PIEZO2: variants seen among roughly 807,000 people sequenced by gnomAD.
PIEZO2 encodes the protein piezo type mechanosensitive ion channel component 2.
A neutral mutation model predicts 337.3 loss-of-function variants in PIEZO2; 172 were observed. That is an observed-to-expected ratio of 0.51 (90% CI 0.45 to 0.58). PIEZO2 has a LOEUF of 0.58. PIEZO2 is among the 20% of genes least tolerant of loss of function. The pLI, the probability that PIEZO2 is intolerant of heterozygous loss-of-function variation, is 0.00. For missense variants in PIEZO2, 3,028 were observed against 3,391.3 expected (o/e 0.89, Z 2.66); for synonymous variants, 1,251 against 1,228.5 (o/e 1.02, Z -0.38).
intron 1 of PIEZO2, among the ~76,000 whole-genome samples, chr18:11,108,562 T>C (rs989880305): frequency 4.7e-5 from 6 of 128,304 alleles, no homozygotes; most frequent in Admixed American, 2.1e-4. Context: ...TGCAGTGAGC[T>C]GAGATCGCAC....
rs1245221511 is a variant in PIEZO2 at position 10,748,514 on chromosome 18, G to A, written c.4381C>T (p.His1461Tyr). 14 of 1,536,944 alleles carry A rather than the reference G, an allele frequency of 9.1e-6. No individual in the cohort carries two copies. Among genetic ancestry groups the A allele is most frequent in the East Asian group, 2.4e-5 (1 of 40,920 alleles). ...GAAGCTTTTATATCAGCCACAACAT[G>A]TAGAAAATAATAACTCATGAAAACT... The part of the protein sequence containing the change: ...RRVFMSYYFL[H>Y]VVADIKASQI... The change falls in exon 30 of 56, where the codon CAT becomes TAT. Residue 1461 changes from histidine (H) to tyrosine (Y), a missense_variant. His to Tyr is a moderately conservative substitution (Grantham distance 83). Around this residue, in one of 5 missense-constraint regions of PIEZO2, gnomAD observed 1,925 missense variants for 2,051.9 expected, o/e 0.94. Coordinates refer to ENST00000674853, the MANE Select transcript of PIEZO2 (RefSeq NM_001378183.1). This position sits in a 1 kb window ranked among gnomAD's most constrained non-coding sequence, Gnocchi z 5.1.
intron 2 of PIEZO2, among the ~76,000 whole-genome samples, chr18:11,036,148 T>A (rs1476103574): frequency 6.6e-6 from 1 of 152,166 alleles, no homozygotes; most frequent in Non-Finnish European, 1.5e-5. Context: ...AGCCCTTTGT[T>A]CCCTTGGAGT....
At chr18:10,874,781 A>T (rs1479767063) in intron 4 of PIEZO2, among the ~76,000 whole-genome samples, 3 of 152,178 alleles carry the variant, frequency 2.0e-5, no homozygotes, top group African/African-American at 7.2e-5. Flanking sequence ...GAGGCAGAGA[A>T]TACAGAGAGG....
At chr18:10,765,127 C>T (rs527993890) in intron 21 of PIEZO2, among the ~76,000 whole-genome samples, 12 of 152,262 alleles carry the variant, frequency 7.9e-5, no homozygotes, top group African/African-American at 1.9e-4. Context: ...ATTCCCTGCC[C>T]GCAGGAGGCA....
intron 2 of PIEZO2, among the ~76,000 whole-genome samples, chr18:10,991,827 C>A (rs955803915): frequency 1.3e-5 from 2 of 152,142 alleles, no homozygotes; most frequent in African/African-American, 4.8e-5. Context: ...AATGGTTGAA[C>A]TAATTTACAC....
chr18:11,064,710 A>G (rs1196798438), intron 2 of PIEZO2, among the ~76,000 whole-genome samples: 1 of 152,200 alleles, frequency 6.6e-6, no homozygotes, highest in Non-Finnish European at 1.5e-5. Context: ...GGGAAATCCC[A>G]GTTACTTGAT....
At chr18:11,144,712 T>G (rs967260756) in intron 1 of PIEZO2, among the ~76,000 whole-genome samples, 4 of 152,256 alleles carry the variant, frequency 2.6e-5, no homozygotes, top group African/African-American at 7.2e-5. Context: ...TGGTTGATTC[T>G]TGTTTGTGGG....
At chr18:10,701,286 A>C (rs1159554043) in intron 43 of PIEZO2, among the ~76,000 whole-genome samples, 1 of 152,254 alleles carries the variant, frequency 6.6e-6, no homozygotes, top group Non-Finnish European at 1.5e-5. Context: ...GCGTATTTAC[A>C]AGTTTAGTTT....
intron 1 of PIEZO2, among the ~76,000 whole-genome samples, chr18:11,142,880 C>A (rs2040694612): frequency 6.6e-6 from 1 of 151,634 alleles, no homozygotes; most frequent in East Asian, 1.9e-4. Flanking sequence ...AGATCGAGAC[C>A]ATCCTGGCTA....
At position 11,009,485 on chromosome 18, in the gene PIEZO2, T is replaced by G. The variant is rs1408705903; in HGVS notation, c.161-29825A>C. Among the ~76,000 whole-genome samples the G allele has an allele frequency of 6.6e-6, 1 of 152,212 alleles. No individual in the cohort carries two copies. Among genetic ancestry groups the G allele is most frequent in the Non-Finnish European group, 1.5e-5 (1 of 68,036 alleles). On this transcript the variant is annotated intron_variant, in intron 2 of 55. Coordinates refer to ENST00000674853, the MANE Select transcript of PIEZO2 (RefSeq NM_001378183.1). This position sits in a 1 kb window ranked among gnomAD's most constrained non-coding sequence, Gnocchi z 4.6. ...GGGAGGTTGAGCCCAGCTCAGCTCA[T>G]GGACTGGTTGAGGCGCGTGTGAGAG...
intron 4 of PIEZO2, chr18:10,908,395 G>A (rs1313179162): frequency 6.6e-6 from 1 of 152,204 alleles, no homozygotes; most frequent in Non-Finnish European, 1.5e-5. Context: ...TTCAAAGAAG[G>A]ACATAGTGAT....
intron 1 of PIEZO2, among the ~76,000 whole-genome samples, chr18:11,140,701 T>C (rs533379454): frequency 4.6e-5 from 7 of 152,250 alleles, no homozygotes; most frequent in East Asian, 1.9e-4. Flanking sequence ...GATGATACTG[T>C]TATTGCATGC....
In PIEZO2 at chr18:10,748,881, G is replaced by C. The variant is rs1240497362; in HGVS notation, c.4265-251C>G. Among the ~76,000 whole-genome samples the C allele has an allele frequency of 3.9e-5, 6 of 152,128 alleles. No homozygotes were observed. The highest frequency in any genetic ancestry group is 7.4e-5 in the Non-Finnish European group (5 of 68,026). On this transcript the variant is annotated intron_variant, in intron 29 of 55. Coordinates refer to ENST00000674853, the MANE Select transcript of PIEZO2 (RefSeq NM_001378183.1). This position sits in a 1 kb window ranked among gnomAD's most constrained non-coding sequence, Gnocchi z 5.1. Reference sequence around the variant, plus strand: ...AGGCTCAGGAGGGCCCTTTTTACGTGGGAGGCCTCTTGAGTATTTCTCTCT... The same window carrying C: ...AGGCTCAGGAGGGCCCTTTTTACGTCGGAGGCCTCTTGAGTATTTCTCTCT...
intron 17 of PIEZO2, among the ~76,000 whole-genome samples, chr18:10,782,767 G>A (rs1031502157): frequency 1.3e-5 from 2 of 151,780 alleles, no homozygotes; most frequent in African/African-American, 4.8e-5. Context: ...CTGTGAAGCG[G>A]CAGCTGAGGA....
intron 4 of PIEZO2, among the ~76,000 whole-genome samples, chr18:10,901,090 C>T (rs1015504563): frequency 6.6e-6 from 1 of 152,182 alleles, no homozygotes; most frequent in African/African-American, 2.4e-5. Flanking sequence ...ATCTGAAAGA[C>T]CTGAATTCTG....
intron 2 of PIEZO2, among the ~76,000 whole-genome samples, chr18:11,050,178 T>A (rs2037472652): frequency 6.6e-6 from 1 of 152,084 alleles, no homozygotes; most frequent in Non-Finnish European, 1.5e-5. Context: ...GGCGTCTAAT[T>A]TTTTTTAGCA....
Position 11,001,192 on chromosome 18 carries a change from G to A in PIEZO2, c.161-21532C>T, listed in dbSNP as rs954953571. ...ATTGATTGTCCTCAAGCAGATGTAA[G>A]CCTCCTGAAGGCAGGGCTGCCGCTA... On this transcript the variant is annotated intron_variant, in intron 2 of 55. Transcript: ENST00000674853. This position sits in a 1 kb window ranked among gnomAD's most constrained non-coding sequence, Gnocchi z 5.3. 1.3e-5 allele frequency among the ~76,000 whole-genome samples: 2 copies of A among 152,220 alleles called. No homozygotes were observed. The highest frequency in any genetic ancestry group is 2.1e-4 in the South Asian group (1 of 4,824).
intron 39 of PIEZO2, among the ~76,000 whole-genome samples, chr18:10,708,881 T>C (rs771257603): frequency 7.2e-5 from 11 of 152,168 alleles, no homozygotes; most frequent in Non-Finnish European, 1.6e-4. Context: ...TCATGTAGAA[T>C]TTACATAAAA....
chr18:10,935,574 T>A (rs980193961), intron 3 of PIEZO2, among the ~76,000 whole-genome samples: 1 of 152,174 alleles, frequency 6.6e-6, no homozygotes, highest in Non-Finnish European at 1.5e-5. Context: ...TTTCAAGTCT[T>A]GAGAACCTAA....
Sources: allele counts gnomAD v4.1 joint callset (sites outside exome capture counted in the v4.1 genomes callset), GRCh38; gene constraint gnomAD v4.1.1; regional missense constraint gnomAD v4.1.1; non-coding constraint Gnocchi (gnomAD v3.1); transcripts MANE v1.5; gene names NCBI Gene and HGNC (gene_info 2026-07-23, HGNC 2026-07-21).